The following MAP10 variants were observed in gnomAD, a reference collection of about 807,000 sequenced individuals.
MAP10 encodes microtubule associated protein 10.
MAP10 carries 10 observed loss-of-function variants against 6.3 expected under a neutral mutation model. The observed-to-expected ratio is 1.58, with a 90% CI of 0.98 to 2.69. MAP10 has a LOEUF of 2.69. Ranked by LOEUF, MAP10 falls within the 30% of genes most tolerant of loss-of-function variation. The pLI is 0.00. For missense variants in MAP10, 1,189 were observed against 1,086.5 expected (o/e 1.09, Z -1.33); for synonymous variants, 459 against 429.3 (o/e 1.07, Z -0.86).
In MAP10 at chr1:232,808,727, C is replaced by T. The variant is rs1260717687; in HGVS notation, c.*560C>T. On this transcript the variant is annotated 3_prime_UTR_variant, in exon 1 of 1. Transcript: ENST00000418460. ...CCCTGCACCTTTTGTTTATAAGCCA[C>T]AATTTGTGTGATTACTTGATTAAAG... 2.0e-5 allele frequency among the ~76,000 whole-genome samples: 3 copies of T among 152,118 alleles called. No homozygotes were observed. Among genetic ancestry groups the T allele is most frequent in the Admixed American group, 6.5e-5 (1 of 15,268 alleles).
chr1:232,806,256 T>C lies in MAP10; in HGVS notation c.807T>C (p.Ser269=). ...CTGTGGAGAATGGCAAAACCAATTC[T>C]GTTGTTACATGTTCAGGTGCTGGCA... ...VGSVENGKTN[S]VVTCSGAGNG... Residue 269 remains serine (S), a synonymous_variant, in exon 1 of 1, where the codon TCT becomes TCC. Transcript: ENST00000418460. The C allele has an allele frequency of 6.2e-7, 1 of 1,613,986 alleles. No homozygotes were observed. The highest frequency in any genetic ancestry group is 8.5e-7 in the Non-Finnish European group (1 of 1,179,892).
chr1:232,809,348 A>G lies in MAP10; in HGVS notation c.*1181A>G, dbSNP rs919596813. 1.3e-5 allele frequency among the ~76,000 whole-genome samples: 2 copies of G among 152,062 alleles called. No individual in the cohort carries two copies. The highest frequency in any genetic ancestry group is 2.9e-5 in the Non-Finnish European group (2 of 67,914). On this transcript the variant is annotated 3_prime_UTR_variant, in exon 1 of 1. Coordinates refer to ENST00000418460, the MANE Select transcript of MAP10 (RefSeq NM_019090.3). ...TTCCTTTCTTTAAAGGTAATTAATT[A>G]TATAGGTATTCTGAATGATCATAAT... is the stretch of plus-strand genomic sequence containing the variant.
At position 232,806,317 on chromosome 1, in the gene MAP10, A is replaced by G; in HGVS notation, c.868A>G (p.Thr290Ala). ...TGTTAGCTCCCTAAATGAGGAAGTC[A>G]CAGAATTGGACATGGAGACCAATAT... ...RNVSSLNEEV[T>A]ELDMETNIFC... Residue 290 changes from threonine (T) to alanine (A), a missense_variant, in exon 1 of 1, where the codon ACA becomes GCA. Transcript: ENST00000418460. 2 of 1,614,012 alleles carry G rather than the reference A, an allele frequency of 1.2e-6. No homozygotes were observed. The highest frequency in any genetic ancestry group is 2.2e-5 in the East Asian group (1 of 44,892).
At position 232,807,500 on chromosome 1, in the gene MAP10, A is replaced by G. The variant is rs1377175928; in HGVS notation, c.2051A>G (p.Lys684Arg). The change falls in exon 1 of 1, where the codon AAG becomes AGG. Residue 684 changes from lysine (K) to arginine (R), a missense_variant. By Grantham distance (26) the Lys-to-Arg change is conservative (BLOSUM62 2). Transcript: ENST00000418460. ...NDILMADISD[K>R]RTGKNSCYEN... The stretch of plus-strand genomic sequence containing the variant: ...ATTCTTATGGCTGATATAAGTGACA[A>G]GAGAACAGGTAAAAATAGTTGCTAT... The G allele has an allele frequency of 1.9e-6, 3 of 1,613,772 alleles. No individual in the cohort carries two copies. Among genetic ancestry groups the G allele is most frequent in the African/African-American group, 2.7e-5 (2 of 74,950 alleles).
At position 232,808,879 on chromosome 1, in the gene MAP10, C is replaced by T. The variant is rs954778289; in HGVS notation, c.*712C>T. Among the ~76,000 whole-genome samples, 2 of 151,918 alleles carry T rather than the reference C, an allele frequency of 1.3e-5. No individual in the cohort carries two copies. Among genetic ancestry groups the T allele is most frequent in the African/African-American group, 2.4e-5 (1 of 41,356 alleles). On this transcript the variant is annotated 3_prime_UTR_variant, in exon 1 of 1. Transcript: ENST00000418460. ...CAATAAAAACATTTGTTGAAAAAAA[C>T]GAAGCCCAGGCATTTAAAATACCTA...
In MAP10 at chr1:232,808,076, G is replaced by T; in HGVS notation, c.2627G>T (p.Gly876Val). The change falls in exon 1 of 1, where the codon GGC (glycine) becomes GTC (valine). Residue 876 changes from glycine (G) to valine (V), a missense_variant. By Grantham distance (109) the Gly-to-Val change is moderately radical. Coordinates refer to ENST00000418460, the MANE Select transcript of MAP10 (RefSeq NM_019090.3). ...AGTACATCAGATCACTTTGAAGAAG[G>T]CAATGATGATGTTGGTTCACTAAAT... ...DSSTSDHFEE[G>V]NDDVGSLNIS... is the part of the protein sequence containing the mutation. 1 of 1,606,544 alleles carries T rather than the reference G, an allele frequency of 6.2e-7. No individual in the cohort carries two copies. The highest frequency in any genetic ancestry group is 2.2e-5 in the East Asian group (1 of 44,606).
chr1:232,808,380 C>G lies in MAP10; in HGVS notation c.*213C>G. The G allele has an allele frequency of 4.9e-6, 2 of 407,398 alleles. No individual in the cohort carries two copies. The highest frequency in any genetic ancestry group is 6.1e-5 in the South Asian group (1 of 16,410). 25.2% of individuals were successfully genotyped at this position (407,398 alleles called of 1,614,324 possible). A position where few individuals can be genotyped will look rare whatever the true frequency, so the allele number is the denominator to read the frequency against. On this transcript the variant is annotated 3_prime_UTR_variant, in exon 1 of 1. Transcript: ENST00000418460. ...CAGATTTCTTTTTAAATTGTTTAAT[C>G]ATAAGAATAAAAGTGTGTCTTTCTA...
In MAP10 at chr1:232,809,514, A is replaced by G. The variant is rs550036237; in HGVS notation, c.*1347A>G. Among the ~76,000 whole-genome samples the G allele has an allele frequency of 2.8e-4, 42 of 152,196 alleles. No homozygotes were observed. Among genetic ancestry groups the G allele is most frequent in the South Asian group, 8.3e-4 (4 of 4,820 alleles). On this transcript the variant is annotated 3_prime_UTR_variant, in exon 1 of 1. Coordinates refer to ENST00000418460, the MANE Select transcript of MAP10 (RefSeq NM_019090.3). Reference sequence around the variant, plus strand: ...TTATCTTGAATAGAATGATCCACTCATGCTACAGAGTGGTAGAAAGGACAT... The same window carrying G: ...TTATCTTGAATAGAATGATCCACTCGTGCTACAGAGTGGTAGAAAGGACAT...
At position 232,805,458 on chromosome 1, in the gene MAP10, C is replaced by A; in HGVS notation, c.9C>A (p.Ala3=). 1 of 1,606,540 alleles carries A rather than the reference C, an allele frequency of 6.2e-7. No individual in the cohort carries two copies. Among genetic ancestry groups the A allele is most frequent in the Non-Finnish European group, 8.5e-7 (1 of 1,176,656 alleles). The change falls in exon 1 of 1, where the codon GCC becomes GCA. Residue 3 remains alanine, a synonymous_variant. Coordinates refer to ENST00000418460, the MANE Select transcript of MAP10 (RefSeq NM_019090.3). Reference sequence around the variant, plus strand: ...TTCCTGGGGCAACAGCAATGGCGGCCTCGCTGTCCGAGCGGCTCTTCTCGC... The same window carrying A: ...TTCCTGGGGCAACAGCAATGGCGGCATCGCTGTCCGAGCGGCTCTTCTCGC... MA[A]SLSERLFSLE...
chr1:232,808,245 T>A lies in MAP10; in HGVS notation c.*78T>A. The A allele has an allele frequency of 2.5e-6, 2 of 786,194 alleles. No individual in the cohort carries two copies. The highest frequency in any genetic ancestry group is 3.7e-6 in the Non-Finnish European group (2 of 537,518). 48.7% of individuals were successfully genotyped at this position (786,194 alleles called of 1,614,324 possible). On this transcript the variant is annotated 3_prime_UTR_variant, in exon 1 of 1. Transcript: ENST00000418460. ...AAAATTTTAAAGCTGTTTTAGTTCA[T>A]GAATTATGTGAATAATTTTTTAAAG...
Position 232,807,567 on chromosome 1 carries a change from C to T in MAP10, c.2118C>T (p.Ser706=). 1 of 1,611,924 alleles carries T rather than the reference C, an allele frequency of 6.2e-7. No individual in the cohort carries two copies. The highest frequency in any genetic ancestry group is 8.5e-7 in the Non-Finnish European group (1 of 1,178,832). ...SELKYSDDLS[S]PCYSEDFCTS... is the part of the protein sequence containing the mutation. Reference sequence around the variant, plus strand: ...TGAAGTATTCAGATGATTTGTCTAGCCCTTGCTATTCTGAAGATTTCTGTA... The same window carrying T: ...TGAAGTATTCAGATGATTTGTCTAGTCCTTGCTATTCTGAAGATTTCTGTA... The change falls in exon 1 of 1, where the codon AGC becomes AGT. Residue 706 remains serine (S), a synonymous_variant. Coordinates refer to ENST00000418460, the MANE Select transcript of MAP10 (RefSeq NM_019090.3).
chr1:232,806,910 TAA>T, the MAP10 span: 1 of 1,608,048 alleles, frequency 6.2e-7, no homozygotes, highest in Non-Finnish European at 8.5e-7. Context: ...GTGCCCTCCA[TAA>T]AAGAGTTCCA....
In MAP10 at chr1:232,806,957, T is replaced by G; in HGVS notation, c.1508T>G (p.Leu503Arg). ...CTACTTTATGGCTTAACAAATACAC[T>G]AAGACTACGTTTAAAGCTGACAAAT... is the stretch of plus-strand genomic sequence containing the variant. ...GRLLYGLTNT[L>R]RLRLKLTNPD... Residue 503 changes from leucine to arginine, a missense_variant, in exon 1 of 1, where the codon CTA becomes CGA. By Grantham distance (102) the Leu-to-Arg change is moderately radical. Transcript: ENST00000418460. The G allele has an allele frequency of 6.2e-7, 1 of 1,612,458 alleles. No individual in the cohort carries two copies. Among genetic ancestry groups the G allele is most frequent in the Non-Finnish European group, 8.5e-7 (1 of 1,179,546 alleles).
rs776707263 is a variant in MAP10, at chr1:232,806,609, A to G, written c.1160A>G (p.Asn387Ser). 52 of 1,613,822 alleles carry G rather than the reference A, an allele frequency of 3.2e-5. No homozygotes were observed. Among genetic ancestry groups the G allele is most frequent in the Non-Finnish European group, 4.0e-5 (47 of 1,179,878 alleles). ...ATNQTCQTEQ[N>S]RINTIRQLPL... The stretch of plus-strand genomic sequence containing the variant: ...AATCAAACATGTCAAACTGAACAAA[A>G]TCGAATTAATACAATAAGGCAGTTG... Residue 387 changes from asparagine (N) to serine (S), a missense_variant, in exon 1 of 1, where the codon AAT (asparagine) becomes AGT (serine). By Grantham distance (46) the Asn-to-Ser change is conservative. Transcript: ENST00000418460.
the MAP10 span, chr1:232,806,270 C>A: frequency 6.2e-7 from 1 of 1,613,960 alleles, no homozygotes; most frequent in Non-Finnish European, 8.5e-7. Flanking sequence ...GTTACATGTT[C>A]AGGTGCTGGC....
chr1:232,806,952 T>C lies in MAP10; in HGVS notation c.1503T>C (p.Asn501=). The change falls in exon 1 of 1, where the codon AAT becomes AAC. Residue 501 remains asparagine (N), a synonymous_variant. Coordinates refer to ENST00000418460, the MANE Select transcript of MAP10 (RefSeq NM_019090.3). ...PKGRLLYGLT[N]TLRLRLKLTN... ...GGAGGCTACTTTATGGCTTAACAAA[T>C]ACACTAAGACTACGTTTAAAGCTGA... 1 of 1,610,874 alleles carries C rather than the reference T, an allele frequency of 6.2e-7. No individual in the cohort carries two copies. Among genetic ancestry groups the C allele is most frequent in the Non-Finnish European group, 8.5e-7 (1 of 1,179,184 alleles).
rs41307678 is a variant in MAP10 at position 232,809,855 on chromosome 1, T to C, written c.*1688T>C. 4.6e-3 allele frequency among the ~76,000 whole-genome samples: 703 copies of C among 152,198 alleles called. 4 individuals are homozygous for C. The highest frequency in any genetic ancestry group is 6.4e-3 in the Non-Finnish European group (436 of 67,924). On this transcript the variant is annotated 3_prime_UTR_variant, in exon 1 of 1. Transcript: ENST00000418460. ...TATTGTAACTAGATGTTTAATGATG[T>C]GAACTGTGTAAATTGTTTAATAGCA...
At position 232,807,981 on chromosome 1, in the gene MAP10, G is replaced by A. The variant is rs766946136; in HGVS notation, c.2532G>A (p.Gln844=). ...GTTGGAAATCTTTAGAAAAAAGCCAGTCACCACAAACATCCCAGGTGAGTT... is the reference window on the plus strand; with the variant it reads ...GTTGGAAATCTTTAGAAAAAAGCCAATCACCACAAACATCCCAGGTGAGTT... ...RSSWKSLEKS[Q]SPQTSQVSSY... Residue 844 remains glutamine, a synonymous_variant, in exon 1 of 1, where the codon CAG becomes CAA. Transcript: ENST00000418460. The A allele has an allele frequency of 6.2e-7, 1 of 1,613,158 alleles. No individual in the cohort carries two copies. Among genetic ancestry groups the A allele is most frequent in the South Asian group, 1.1e-5 (1 of 90,824 alleles).
rs775522376 is a variant in MAP10 at position 232,805,902 on chromosome 1, C to T, written c.453C>T (p.Ala151=). Residue 151 remains alanine (A), a synonymous_variant, in exon 1 of 1, where the codon GCC becomes GCT. Transcript: ENST00000418460. ...CGCACAGGGTCGTGGGGCCGGCCGC[C>T]TCCGGATGCTCCCACCGTCACCGGG... The part of the protein sequence containing the change: ...TAAHRVVGPA[A]SGCSHRHRGR... 3.1e-6 allele frequency: 5 copies of T among 1,605,978 alleles called. No individual in the cohort carries two copies. In the Middle Eastern group the frequency reaches 4.9e-4, roughly 159 times the overall value.
Sources: gnomAD v4.1 joint callset for allele counts (sites outside exome capture counted in the v4.1 genomes callset) on GRCh38, gnomAD v4.1.1 for gene constraint, MANE v1.5 for transcripts, NCBI Gene and HGNC (gene_info 2026-07-23, HGNC 2026-07-21) for gene names.